Variants in PPP2R2C observed in about 807,000 individuals in gnomAD.
PPP2R2C encodes protein phosphatase 2 regulatory subunit Bgamma.
A neutral mutation model predicts 45.3 loss-of-function variants in PPP2R2C; 10 were observed. That is an observed-to-expected ratio of 0.22 (90% CI 0.14 to 0.37). PPP2R2C has a LOEUF of 0.37. Ranked by LOEUF, PPP2R2C falls within the 10% of genes least tolerant of loss-of-function variation. The pLI is 1.00. For synonymous variants in PPP2R2C, 257 were observed against 245.4 expected, an observed-to-expected ratio of 1.05 and a Z score of -0.44; for missense variants, 308 against 619.7, an observed-to-expected ratio of 0.50 and a Z score of 5.34.
At chr4:6,363,483 G>A (rs1714003541) in intron 5 of PPP2R2C, among the ~76,000 whole-genome samples, 1 of 152,056 alleles carries the variant, frequency 6.6e-6, no homozygotes, top group South Asian at 2.1e-4. Flanking sequence ...GGAGGCTGAG[G>A]CAGGAGAATG....
chr4:6,537,740 C>T (rs1014261006), intron 1 of PPP2R2C, among the ~76,000 whole-genome samples: 3 of 151,950 alleles, frequency 2.0e-5, no homozygotes, highest in Non-Finnish European at 2.9e-5. Flanking sequence ...TTAGAAGAGA[C>T]GGGGTTTCAC....
At chr4:6,497,483 AT>A (rs1722917408) in intron 2 of PPP2R2C, among the ~76,000 whole-genome samples, 1 of 152,208 alleles carries the variant, frequency 6.6e-6, no homozygotes, top group Non-Finnish European at 1.5e-5. Context: ...AGAAAAAAAA[AT>A]TAAAATCCCT....
chr4:6,468,315 C>T (rs1577206071), intron 1 of PPP2R2C, among the ~76,000 whole-genome samples: 1 of 152,168 alleles, frequency 6.6e-6, no homozygotes, highest in Admixed American at 6.5e-5. Context: ...CCCATGATGA[C>T]CTTAGCAATT....
At chr4:6,404,328 T>C (rs1417833136) in intron 1 of PPP2R2C, among the ~76,000 whole-genome samples, 1 of 152,158 alleles carries the variant, frequency 6.6e-6, no homozygotes, top group Non-Finnish European at 1.5e-5. Flanking sequence ...AGAGGCGCCC[T>C]GTTGAACTTG....
intron 1 of PPP2R2C, among the ~76,000 whole-genome samples, chr4:6,463,924 A>T (rs530369815): frequency 1.3e-3 from 204 of 152,304 alleles, no homozygotes; most frequent in African/African-American, 4.7e-3. Context: ...TTCAAATCCC[A>T]AAATCTCCTA....
At chr4:6,418,571 C>T (rs147172160) in intron 1 of PPP2R2C, among the ~76,000 whole-genome samples, 10 of 152,334 alleles carry the variant, frequency 6.6e-5, no homozygotes, top group South Asian at 2.1e-4. Flanking sequence ...GGGATCAAAT[C>T]GCCCCTGGGC....
At chr4:6,370,595 C>T (rs532414950) in intron 5 of PPP2R2C, among the ~76,000 whole-genome samples, 4 of 152,216 alleles carry the variant, frequency 2.6e-5, no homozygotes, top group East Asian at 1.9e-4. Flanking sequence ...GAACTGGTCT[C>T]GTTTCTCCTG....
In PPP2R2C at chr4:6,472,584, T is replaced by G. The variant is rs1192978646; in HGVS notation, c.-355A>C. 1 of 146,008 alleles carries G rather than the reference T, an allele frequency of 6.8e-6. No homozygotes were observed. Among genetic ancestry groups the G allele is most frequent in the Non-Finnish European group, 1.5e-5 (1 of 65,862 alleles). The allele number at this position is 146,008 out of a possible 1,614,324, so 9.0% of individuals were successfully genotyped here. A position where few individuals can be genotyped will look rare whatever the true frequency, so the allele number is the denominator to read the frequency against. On this transcript the variant is annotated 5_prime_UTR_variant, in exon 1 of 9. Coordinates refer to ENST00000382599, the MANE Select transcript of PPP2R2C (RefSeq NM_020416.4). ...CGAGGGGACGCGCGCGGCGCTGCGC[T>G]GCGCCGACCAAGCCGGGGCCGAGCC...
chr4:6,327,175 C>A (rs998171458), intron 8 of PPP2R2C, among the ~76,000 whole-genome samples: 4 of 152,092 alleles, frequency 2.6e-5, no homozygotes, highest in Non-Finnish European at 5.9e-5. Flanking sequence ...GGGCTCAGAA[C>A]AGGTTGAGTC....
chr4:6,325,077 C>T (rs1731836465), intron 8 of PPP2R2C, among the ~76,000 whole-genome samples: 1 of 152,218 alleles, frequency 6.6e-6, no homozygotes, highest in South Asian at 2.1e-4. Flanking sequence ...CAAAAGCTCA[C>T]ACGTGAGCTC....
intron 1 of PPP2R2C, among the ~76,000 whole-genome samples, chr4:6,397,443 T>C (rs1310140428): frequency 6.7e-6 from 1 of 149,280 alleles, no homozygotes; most frequent in Non-Finnish European, 1.5e-5. Flanking sequence ...CCGGCCAAGG[T>C]GCAGGGTGAG....
exon 2 of PPP2R2C, chr4:6,535,325 G>A: frequency 6.5e-7 from 1 of 1,535,346 alleles, no homozygotes; most frequent in Non-Finnish European, 8.7e-7. Flanking sequence ...CGCATCCTGA[G>A]AGAGGTGACT....
intron 1 of PPP2R2C, among the ~76,000 whole-genome samples, chr4:6,535,851 G>C (rs143142008): frequency 6.6e-6 from 1 of 152,178 alleles, no homozygotes; most frequent in Non-Finnish European, 1.5e-5. Context: ...CTGCGGATGA[G>C]AGCACATGGC....
intron 1 of PPP2R2C, among the ~76,000 whole-genome samples, chr4:6,449,617 C>T (rs1022208107): frequency 4.6e-5 from 7 of 152,200 alleles, no homozygotes; most frequent in African/African-American, 1.4e-4. Context: ...AAAGCAGGCA[C>T]GAGAAAGCAA....
chr4:6,468,334 T>C (rs10937732), intron 1 of PPP2R2C, among the ~76,000 whole-genome samples: 99,841 of 151,982 alleles, frequency 0.66, 33,263 homozygotes, highest in Non-Finnish European at 0.72. Flanking sequence ...TTCCCAAGCA[T>C]CCTTCACTTC....
At chr4:6,479,939 G>T in intron 2 of PPP2R2C, among the ~76,000 whole-genome samples, 1 of 151,666 alleles carries the variant, frequency 6.6e-6, no homozygotes, top group African/African-American at 2.4e-5. Flanking sequence ...TCTAATTCCT[G>T]GACTCAAGCA....
At chr4:6,545,069 G>A (rs1724933741) in intron 1 of PPP2R2C, among the ~76,000 whole-genome samples, 1 of 152,148 alleles carries the variant, frequency 6.6e-6, no homozygotes, top group South Asian at 2.1e-4. Context: ...TCTCAAAGGG[G>A]TCCCCACAGC....
At chr4:6,479,626 A>G (rs946689188) in intron 2 of PPP2R2C, among the ~76,000 whole-genome samples, 1 of 152,136 alleles carries the variant, frequency 6.6e-6, no homozygotes, top group African/African-American at 2.4e-5. Flanking sequence ...GGAAAATATA[A>G]AAGTTATGGT....
intron 2 of PPP2R2C, among the ~76,000 whole-genome samples, chr4:6,483,879 TG>T (rs1315743852): frequency 1.3e-5 from 2 of 152,250 alleles, no homozygotes; most frequent in Middle Eastern, 3.4e-3. Context: ...GTTTTTACTC[TG>T]TTTTCTTCAA....
Sources: gnomAD v4.1 joint callset for allele counts (sites outside exome capture counted in the v4.1 genomes callset) on GRCh38, gnomAD v4.1.1 for gene constraint, MANE v1.5 for transcripts, NCBI Gene and HGNC (gene_info 2026-07-23, HGNC 2026-07-21) for gene names.